FAM76B: variants seen among roughly 807,000 people sequenced by gnomAD.
FAM76B encodes the protein protein FAM76B.
FAM76B carries 16 observed loss-of-function variants against 51.8 expected under a neutral mutation model. That is an observed-to-expected ratio of 0.31 (90% CI 0.21 to 0.47). The LOEUF (loss-of-function observed/expected upper bound fraction) is 0.47. Among genes scored for constraint, FAM76B ranks in the 20% least tolerant of loss-of-function variants. The pLI is 1.00. For synonymous variants in FAM76B, 166 were observed against 129.5 expected (o/e 1.28, Z -1.91); for missense variants, 342 against 392.6 (o/e 0.87, Z 1.09).
chr11:95,789,457 C>A lies in FAM76B; in HGVS notation c.22G>T (p.Ala8Ser). 1.2e-6 allele frequency: 2 copies of A among 1,608,402 alleles called. No individual in the cohort carries two copies. The highest frequency in any genetic ancestry group is 1.7e-6 in the Non-Finnish European group (2 of 1,177,760). The change falls in exon 1 of 10, where the codon GCC (alanine) becomes TCC (serine). Residue 8 changes from alanine (A) to serine (S), a missense_variant. By Grantham distance (99) the Ala-to-Ser change is moderately conservative. Around this residue, in one of 3 missense-constraint regions of FAM76B, gnomAD observed 96 missense variants for 94.7 expected, o/e 1.01. Coordinates refer to ENST00000358780, the MANE Select transcript of FAM76B (RefSeq NM_144664.5). ...TAACGCTGGGTACACTTGGTGCAGG[C>A]GTACAGGGCCGAGGCCGCCATCCTG... Reference protein sequence around the residue: MAASALYACTKCTQRYPF... With the variant: MAASALYSCTKCTQRYPF...
rs1264523391 is a variant in FAM76B at position 95,769,367 on chromosome 11, G to A, written c.*2194C>T. The A allele has an allele frequency of 6.6e-6, 1 of 152,226 alleles. No individual in the cohort carries two copies. The allele number at this position is 152,226 out of a possible 1,614,324, so 9.4% of individuals were successfully genotyped here. On this transcript the variant is annotated 3_prime_UTR_variant, in exon 10 of 10. Transcript: ENST00000358780. ...TTATAAAATAAGGTCATGGAATAAA[G>A]AAGGGTATTTAATTAGGACTAAATA...
At chr11:95,785,167 T>C (rs1486677393) in intron 4 of FAM76B, among the ~76,000 whole-genome samples, 1 of 152,192 alleles carries the variant, frequency 6.6e-6, no homozygotes, top group East Asian at 1.9e-4. Context: ...TTCTATTTTG[T>C]TATTATTTTT....
chr11:95,778,808 A>AACCATGTTCTTG lies in FAM76B; in HGVS notation c.828+13_828+14insCAAGAACATGGT, dbSNP rs1860123828. 6.3e-7 allele frequency: 1 copy of AACCATGTTCTTG among 1,583,286 alleles called. No homozygotes were observed. Among genetic ancestry groups the AACCATGTTCTTG allele is most frequent in the South Asian group, 1.2e-5 (1 of 85,594 alleles). ...ACATAACTCTTACCAGGCTTCAATG[A>AACCATGTTCTTG]ACCATGTTCTTACCTTTTTATCTTT... is the stretch of plus-strand genomic sequence containing the variant. On this transcript the variant is annotated intron_variant, in intron 8 of 9. Transcript: ENST00000358780.
intron 1 of FAM76B, 177 bp from the exon 2 acceptor site, chr11:95,788,740 G>A (rs987024813): frequency 3.1e-6 from 4 of 1,297,198 alleles, no homozygotes; most frequent in African/African-American, 1.5e-5. Context: ...AATTCCTTAG[G>A]GAAGGCACAG....
chr11:95,773,880 G>A (rs373426900), intron 9 of FAM76B, among the ~76,000 whole-genome samples: 2 of 151,110 alleles, frequency 1.3e-5, no homozygotes, highest in Non-Finnish European at 3.0e-5. Flanking sequence ...GTGTTTTGTC[G>A]TAGGTTTGGC....
At chr11:95,784,412 C>T (rs11021317) in intron 4 of FAM76B, among the ~76,000 whole-genome samples, 42,662 of 151,742 alleles carry the variant, frequency 0.28, 7,133 homozygotes, top group Non-Finnish European at 0.38. Flanking sequence ...ATATAATAAA[C>T]GTGCACATGT....
At chr11:95,783,701 T>C (rs548316599) in intron 4 of FAM76B, among the ~76,000 whole-genome samples, 38 of 152,342 alleles carry the variant, frequency 2.5e-4, no homozygotes, top group African/African-American at 7.7e-4. Flanking sequence ...TTGCTTCTCA[T>C]TATTCTTGCA....
chr11:95,777,646 T>C (rs1860069314), intron 8 of FAM76B, among the ~76,000 whole-genome samples: 1 of 150,978 alleles, frequency 6.6e-6, no homozygotes. Context: ...TCCTATTTTA[T>C]ATGTCACTCC....
intron 5 of FAM76B, among the ~76,000 whole-genome samples, chr11:95,782,227 C>T (rs1407963436): frequency 6.6e-6 from 1 of 152,138 alleles, no homozygotes; most frequent in Non-Finnish European, 1.5e-5. Context: ...TACTACATAA[C>T]TCCCCCCACA....
chr11:95,779,905 T>C lies in FAM76B; in HGVS notation c.585A>G (p.Glu195=). 6.2e-7 allele frequency: 1 copy of C among 1,605,480 alleles called. No homozygotes were observed. ...SHHKISNLSP[E]EEQGLWKQSH... is the part of the protein sequence containing the mutation. ...TCTGTTTCCACAGTCCCTGCTCTTC[T>C]TCTGGACTTAGATTGCTGATTCTGA... is the stretch of plus-strand genomic sequence containing the variant. The change falls in exon 6 of 10, where the codon GAA becomes GAG. Residue 195 remains glutamate (E), a synonymous_variant. Transcript: ENST00000358780.
chr11:95,776,015 T>C lies in FAM76B; in HGVS notation c.837A>G (p.Glu279=), dbSNP rs746939213. The C allele has an allele frequency of 3.2e-6, 5 of 1,581,556 alleles. No individual in the cohort carries two copies. Among genetic ancestry groups the C allele is most frequent in the Non-Finnish European group, 4.3e-6 (5 of 1,163,660 alleles). The change falls in exon 9 of 10, where the codon GAA becomes GAG. Residue 279 remains glutamate (E), a synonymous_variant. Transcript: ENST00000358780. ...TILEKDKKLT[E]LKADFQYQES... Reference sequence around the variant, plus strand: ...CTTGGTACTGAAAGTCTGCCTTTAGTTCAGTTAACTGAGAGATTAAAGAAA... The same window carrying C: ...CTTGGTACTGAAAGTCTGCCTTTAGCTCAGTTAACTGAGAGATTAAAGAAA...
At chr11:95,781,610 G>C (rs887714016) in intron 5 of FAM76B, among the ~76,000 whole-genome samples, 1 of 152,104 alleles carries the variant, frequency 6.6e-6, no homozygotes, top group African/African-American at 2.4e-5. Flanking sequence ...ATAGGGAAAG[G>C]AGACATTTTG....
chr11:95,785,925 T>C (rs1860549294), intron 4 of FAM76B, among the ~76,000 whole-genome samples, 194 bp downstream of exon 4: 1 of 152,238 alleles, frequency 6.6e-6, no homozygotes, highest in Non-Finnish European at 1.5e-5. Flanking sequence ...AGAATATTTT[T>C]TAAAGTATAG....
Position 95,770,020 on chromosome 11 carries a change from C to T in FAM76B, c.*1541G>A, listed in dbSNP as rs1407501339. ...TTTGATATGACATTCACAATCAATG[C>T]TTGTATAAAACAAAACCTTTAAAAC... On this transcript the variant is annotated 3_prime_UTR_variant, in exon 10 of 10. Transcript: ENST00000358780. 6.6e-6 allele frequency: 1 copy of T among 151,540 alleles called. No homozygotes were observed. The highest frequency in any genetic ancestry group is 1.5e-5 in the Non-Finnish European group (1 of 67,604). 9.4% of individuals were successfully genotyped at this position (151,540 alleles called of 1,614,324 possible). A position where few individuals can be genotyped will look rare whatever the true frequency, so the allele number is the denominator to read the frequency against.
chr11:95,775,566 A>C (rs1859963219), intron 9 of FAM76B, among the ~76,000 whole-genome samples: 1 of 151,406 alleles, frequency 6.6e-6, no homozygotes, highest in African/African-American at 2.4e-5. Flanking sequence ...TAATGTGAGG[A>C]ATGATTGCTA....
At chr11:95,789,186 G>A (rs1565300398) in intron 1 of FAM76B, 1 of 1,008,154 alleles carries the variant, frequency 9.9e-7, no homozygotes, top group Non-Finnish European at 1.4e-6. Flanking sequence ...CCTGGAAAAG[G>A]GCACGATTCT....
intron 8 of FAM76B, among the ~76,000 whole-genome samples, chr11:95,777,629 G>A (rs572532090): frequency 3.3e-5 from 5 of 151,322 alleles, no homozygotes; most frequent in South Asian, 2.1e-4. Context: ...AAAGACACCC[G>A]TAACTATCCT....
At chr11:95,786,314 A>C in intron 3 of FAM76B, 40 bp from the exon 4 acceptor site, 1 of 1,608,726 alleles carries the variant, frequency 6.2e-7, no homozygotes, top group Middle Eastern at 1.7e-4. Flanking sequence ...AAAAACATTA[A>C]ATATTTGCGG....
At chr11:95,777,513 T>G (rs191102300) in intron 8 of FAM76B, among the ~76,000 whole-genome samples, 1 of 151,520 alleles carries the variant, frequency 6.6e-6, no homozygotes, top group Admixed American at 6.6e-5. Context: ...TTCTCAAGGC[T>G]AATGCAGATA....
Sources: allele counts gnomAD v4.1 joint callset (sites outside exome capture counted in the v4.1 genomes callset), GRCh38; gene constraint gnomAD v4.1.1; regional missense constraint gnomAD v4.1.1; transcripts MANE v1.5; gene names NCBI Gene and HGNC (gene_info 2026-07-23, HGNC 2026-07-21).